Variants in EPN2 observed in about 807,000 individuals in gnomAD.
The protein encoded by EPN2 is epsin 2.
In EPN2, 34 loss-of-function variants were observed where a neutral mutation model predicts 61.7. The ratio of observed to expected loss-of-function variants is 0.55; its 90% CI spans 0.42 to 0.73. EPN2 has a LOEUF of 0.73. EPN2 is among the 30% of genes least tolerant of loss of function. EPN2 has a pLI of 0.00. For missense variants in EPN2, 714 were observed against 839.2 expected, an observed-to-expected ratio of 0.85 and a Z score of 1.84; for synonymous variants, 349 against 353.6, an observed-to-expected ratio of 0.99 and a Z score of 0.15.
At chr17:19,277,400 C>CAAAA (rs58679739) in intron 1 of EPN2, among the ~76,000 whole-genome samples, 71 of 75,446 alleles carry the variant, frequency 9.4e-4, no homozygotes, top group African/African-American at 2.7e-3. Flanking sequence ...GACTCTGTCT[C>CAAAA]AAAAAAAAAA....
At chr17:19,301,722 C>T (rs1169448119) in intron 4 of EPN2, among the ~76,000 whole-genome samples, 1 of 152,226 alleles carries the variant, frequency 6.6e-6, no homozygotes, top group East Asian at 1.9e-4. Flanking sequence ...TTTGCCGTTC[C>T]TTCCAGGGCT....
chr17:19,237,642 G>T (rs1364500565), intron 1 of EPN2, 111 bp downstream of exon 1: 1 of 151,996 alleles, frequency 6.6e-6, no homozygotes, highest in Non-Finnish European at 1.5e-5. Context: ...TACCTCACCA[G>T]CCCCGCCAGG....
chr17:19,237,931 G>A (rs1273196616), intron 1 of EPN2, among the ~76,000 whole-genome samples: 2 of 152,114 alleles, frequency 1.3e-5, no homozygotes, highest in Non-Finnish European at 2.9e-5. Context: ...TCCTCTCCCC[G>A]AGCCCGGCGC....
chr17:19,254,895 T>G (rs2045057721), intron 1 of EPN2, among the ~76,000 whole-genome samples: 1 of 152,226 alleles, frequency 6.6e-6, no homozygotes, highest in Non-Finnish European at 1.5e-5. Context: ...GCAAAGAGTC[T>G]GTGCCTTTGT....
At chr17:19,305,574 C>T (rs1241060493) in intron 4 of EPN2, among the ~76,000 whole-genome samples, 1 of 152,220 alleles carries the variant, frequency 6.6e-6, no homozygotes, top group African/African-American at 2.4e-5. Flanking sequence ...TGATAAGAAT[C>T]AATTTCCTGT....
At chr17:19,311,981 T>C in intron 5 of EPN2, 71 bp from the exon 6 acceptor site, 1 of 987,348 alleles carries the variant, frequency 1.0e-6, no homozygotes, top group South Asian at 1.3e-5. Context: ...CATTTCCTGT[T>C]TCTGGCCAGT....
At chr17:19,333,348 C>T (rs1194650401) in intron 10 of EPN2, among the ~76,000 whole-genome samples, 1 of 152,188 alleles carries the variant, frequency 6.6e-6, no homozygotes, top group Non-Finnish European at 1.5e-5. Context: ...CTCTGCTGGA[C>T]ATACAGGGCC....
chr17:19,271,264 G>T (rs1424347238), intron 1 of EPN2, among the ~76,000 whole-genome samples: 2 of 152,150 alleles, frequency 1.3e-5, no homozygotes, highest in African/African-American at 2.4e-5. Context: ...TTGATAGAGA[G>T]TGCCTGATGG....
At position 19,336,413 on chromosome 17, in the gene EPN2, C is replaced by CT. The variant is rs1160608246; in HGVS notation, c.*2162dup. On this transcript the variant is annotated 3_prime_UTR_variant, in exon 11 of 11. Transcript: ENST00000314728. ...TTGTAACGAGTCTTTCATGATGTGA[C>CT]TTTGAGGCCCCAACATGACAGCCAC... The CT allele has an allele frequency of 6.6e-6, 1 of 152,520 alleles. No homozygotes were observed. The highest frequency in any genetic ancestry group is 1.9e-4 in the East Asian group (1 of 5,194). 9.4% of individuals were successfully genotyped at this position (152,520 alleles called of 1,614,324 possible).
chr17:19,273,851 C>T (rs1046794739), intron 1 of EPN2, among the ~76,000 whole-genome samples: 3 of 152,156 alleles, frequency 2.0e-5, no homozygotes, highest in Admixed American at 1.3e-4. Flanking sequence ...TTATTGCTAG[C>T]GTGGCTGAAA....
intron 5 of EPN2, 29 bp downstream of exon 5, chr17:19,310,026 A>G (rs1274414845): frequency 6.8e-7 from 1 of 1,481,094 alleles, no homozygotes; most frequent in Admixed American, 1.7e-5. Context: ...TCTGCACTGC[A>G]TTGACTGCCC....
chr17:19,328,858 T>C lies in EPN2; in HGVS notation c.1295T>C (p.Val432Ala). ...GKRASDAWGA[V>A]STTKPVSVSG... The stretch of plus-strand genomic sequence containing the variant: ...AGAGCTTCTGACGCGTGGGGCGCAG[T>C]CTCCACCACCAAGCCCGTGTCTGTC... Residue 432 changes from valine (V) to alanine (A), a missense_variant, in exon 8 of 11, where the codon GTC becomes GCC. By Grantham distance (64) the Val-to-Ala change is moderately conservative. Transcript: ENST00000314728. 3 of 1,612,408 alleles carry C rather than the reference T, an allele frequency of 1.9e-6. No individual in the cohort carries two copies. The highest frequency in any genetic ancestry group is 2.5e-6 in the Non-Finnish European group (3 of 1,179,188).
chr17:19,271,943 C>T (rs2045258602), intron 1 of EPN2, among the ~76,000 whole-genome samples: 1 of 152,234 alleles, frequency 6.6e-6, no homozygotes, highest in Admixed American at 6.5e-5. Flanking sequence ...GCAGGCTCCT[C>T]GCGAGATGGC....
chr17:19,319,300 G>A (rs542873035), intron 7 of EPN2, among the ~76,000 whole-genome samples: 6 of 152,232 alleles, frequency 3.9e-5, no homozygotes, highest in African/African-American at 1.2e-4. Context: ...CTGAGAGTAC[G>A]TCTAGATGGA....
intron 4 of EPN2, chr17:19,306,198 C>G (rs993005913): frequency 3.3e-5 from 5 of 152,408 alleles, no homozygotes; most frequent in African/African-American, 1.2e-4. Flanking sequence ...ATCCTCAGAG[C>G]AGAGCCAAGG....
intron 1 of EPN2, among the ~76,000 whole-genome samples, chr17:19,261,363 AT>A (rs550197079): frequency 4.5e-4 from 68 of 152,294 alleles, no homozygotes; most frequent in African/African-American, 1.5e-3. Context: ...ATGTTGTCAT[AT>A]GTTTAAGGAC....
intron 9 of EPN2, among the ~76,000 whole-genome samples, chr17:19,331,218 G>GT (rs1445424086): frequency 1.3e-5 from 2 of 152,146 alleles, no homozygotes; most frequent in African/African-American, 2.4e-5. Context: ...TTGATTTCAG[G>GT]TTTTGCTACT....
intron 4 of EPN2, among the ~76,000 whole-genome samples, chr17:19,297,513 C>T (rs1214378580): frequency 6.6e-6 from 1 of 152,268 alleles, no homozygotes; most frequent in East Asian, 1.9e-4. Context: ...CAGGGGCTTG[C>T]AGCTGGTAGC....
chr17:19,283,704 C>G lies in EPN2; in HGVS notation c.585C>G (p.Ser195=). The change falls in exon 3 of 11, where the codon TCC becomes TCG. Residue 195 remains serine (S), a synonymous_variant. Transcript: ENST00000314728. The surrounding 1 kb of genome is among the most constrained non-coding windows in gnomAD (Gnocchi z 7.0). ...EYGKAGGSPA[S]YHGSPEASLC... ...GCAAGGCCGGGGGCTCCCCGGCCTC[C>G]TACCATGGCTGTGAGTAATGGAAGT... 1 of 1,585,772 alleles carries G rather than the reference C, an allele frequency of 6.3e-7. No individual in the cohort carries two copies. The highest frequency in any genetic ancestry group is 1.1e-5 in the South Asian group (1 of 88,344).
Sources: gnomAD v4.1 joint callset for allele counts (sites outside exome capture counted in the v4.1 genomes callset) on GRCh38, gnomAD v4.1.1 for gene constraint, Gnocchi (gnomAD v3.1) non-coding constraint, MANE v1.5 for transcripts, NCBI Gene and HGNC (gene_info 2026-07-23, HGNC 2026-07-21) for gene names.